Variants in POM121 observed in about 807,000 individuals in gnomAD.
POM121 encodes POM121 transmembrane nucleoporin.
POM121 carries 32 observed loss-of-function variants against 81.3 expected under a neutral mutation model. The ratio of observed to expected loss-of-function variants is 0.39; its 90% confidence interval spans 0.30 to 0.53. POM121 has a LOEUF of 0.53. Among genes scored for constraint, POM121 ranks in the 20% least tolerant of loss-of-function variants. POM121 has a pLI of 0.66. For missense variants in POM121, 1,138 were observed against 1,614.6 expected (o/e 0.70, Z 5.06); for synonymous variants, 514 against 694.2 (o/e 0.74, Z 4.08).
At chr7:72,899,866 A>G (rs1489459273) in intron 3 of POM121, among the ~76,000 whole-genome samples, 1 of 152,088 alleles carries the variant, frequency 6.6e-6, no homozygotes, top group Non-Finnish European at 1.5e-5. Flanking sequence ...GGCGTGAGCC[A>G]CCACGCCTGG....
intron 8 of POM121, 107 bp from the exon 9 acceptor site, chr7:72,940,307 C>G: frequency 1.8e-6 from 1 of 571,392 alleles, no homozygotes; most frequent in Non-Finnish European, 3.1e-6. Context: ...CTCAAGTGAT[C>G]CAGCTGGCTT....
At chr7:72,889,359 A>G (rs542209863) in intron 1 of POM121, among the ~76,000 whole-genome samples, 151 of 152,336 alleles carry the variant, frequency 9.9e-4, no homozygotes, top group Non-Finnish European at 1.2e-3. Flanking sequence ...TATGTTCTTT[A>G]TAAATAACAG....
At chr7:72,940,024 G>C (rs1390800500) in intron 8 of POM121, 56 bp downstream of exon 8, 58 of 1,576,272 alleles carry the variant, frequency 3.7e-5, no homozygotes, top group Middle Eastern at 4.7e-4. Context: ...CTAAGTATTA[G>C]GAACGCTAAG....
In POM121 at chr7:72,925,709, C is replaced by G. The variant is rs1795369297; in HGVS notation, c.588C>G (p.His196Gln). Residue 196 changes from histidine (H) to glutamine (Q), a missense_variant, in exon 1 of 13, where the codon CAC becomes CAG. Physicochemically the swap from His to Gln is conservative, Grantham distance 24. This residue lies in a region of POM121 where 646 missense variants were observed against 633.5 expected (regional missense o/e 1.02). Transcript: ENST00000434423. ...CCCCGCCGACCCATCGCGCTCACCA[C>G]GTTTACCCCTCTCTGCCCACTCCTC... The part of the protein sequence containing the change: ...PPSPPTHRAH[H>Q]VYPSLPTPLL... 1.6e-6 allele frequency: 2 copies of G among 1,289,512 alleles called. No homozygotes were observed. The highest frequency in any genetic ancestry group is 2.0e-6 in the Non-Finnish European group (2 of 1,016,624). 79.9% of individuals were successfully genotyped at this position (1,289,512 alleles called of 1,614,324 possible).
At chr7:72,893,527 T>C (rs1291898658) in intron 3 of POM121, among the ~76,000 whole-genome samples, 3 of 152,062 alleles carry the variant, frequency 2.0e-5, no homozygotes, top group Non-Finnish European at 4.4e-5. Context: ...GAGCTTGCAG[T>C]GAGCGGAGAT....
rs1292789101 is a variant in POM121 at position 72,925,773 on chromosome 7, G to C, written c.644+8G>C. 1 of 1,284,074 alleles carries C rather than the reference G, an allele frequency of 7.8e-7. No homozygotes were observed. Among genetic ancestry groups the C allele is most frequent in the Middle Eastern group, 2.1e-4 (1 of 4,854 alleles). 79.5% of individuals were successfully genotyped at this position (1,284,074 alleles called of 1,614,324 possible). A position where few individuals can be genotyped will look rare whatever the true frequency, so the allele number is the denominator to read the frequency against. On this transcript the variant is annotated splice_region_variant and intron_variant, in intron 1 of 12. Coordinates refer to ENST00000434423, the MANE Select transcript of POM121 (RefSeq NM_001387691.1). ...CAGGAGGCCTTCCCCACGGTAAGAT[G>C]CGCTGATTTTGTCAGATCATCCTCT...
intron 5 of POM121, among the ~76,000 whole-genome samples, chr7:72,938,209 C>G (rs1411816753): frequency 1.3e-5 from 2 of 151,718 alleles, no homozygotes; most frequent in African/African-American, 4.8e-5. Context: ...TCTTCACAAA[C>G]AAATTTTTTT....
At chr7:72,941,610 G>A (rs1284026944) in intron 10 of POM121, among the ~76,000 whole-genome samples, 2 of 151,082 alleles carry the variant, frequency 1.3e-5, no homozygotes, top group African/African-American at 4.9e-5. Context: ...CTACACATTA[G>A]GCCCCCATTT....
intron 7 of POM121, 75 bp from the exon 8 acceptor site, chr7:72,939,772 T>C (rs1275815412): frequency 6.2e-7 from 1 of 1,610,652 alleles, no homozygotes. Context: ...CAATGTGAAA[T>C]GCGAAGTGGG....
chr7:72,941,377 C>T (rs1797047611), intron 10 of POM121, among the ~76,000 whole-genome samples: 1 of 150,820 alleles, frequency 6.6e-6, no homozygotes, highest in South Asian at 2.1e-4. Flanking sequence ...ACTTCGAGGG[C>T]TGCTGGTGTT....
At chr7:72,882,486 T>C (rs1790258530) in intron 1 of POM121, among the ~76,000 whole-genome samples, 1 of 152,270 alleles carries the variant, frequency 6.6e-6, no homozygotes, top group East Asian at 1.9e-4. Context: ...CAAGTTGGTA[T>C]AATTGTGGAT....
At chr7:72,901,655 A>T (rs574713573) in intron 3 of POM121, among the ~76,000 whole-genome samples, 6 of 149,742 alleles carry the variant, frequency 4.0e-5, no homozygotes, top group South Asian at 2.2e-4. Context: ...GCCTGGCCCG[A>T]CTCAGGCTAA....
intron 3 of POM121, among the ~76,000 whole-genome samples, chr7:72,895,947 A>G (rs1366828702): frequency 1.1e-4 from 16 of 151,424 alleles, no homozygotes; most frequent in African/African-American, 2.5e-4. Context: ...TACCTGCTCA[A>G]AAACTTTCAG....
chr7:72,938,795 A>G, intron 6 of POM121, 114 bp downstream of exon 6: 2 of 1,259,040 alleles, frequency 1.6e-6, no homozygotes, highest in Non-Finnish European at 1.2e-6. Context: ...GGAGAATCAA[A>G]GAAACTTAAG....
At chr7:72,949,667 G>T (rs568822992), downstream of POM121, 1 of 664,202 alleles carries the variant, frequency 1.5e-6, no homozygotes, top group East Asian at 2.7e-5. Context: ...TCTGCCCCAA[G>T]GGCTAAGGGA....
rs1283366581 is a variant in POM121 at position 72,948,258 on chromosome 7, C to T, written c.*2024C>T. 1 of 1,463,424 alleles carries T rather than the reference C, an allele frequency of 6.8e-7. No individual in the cohort carries two copies. Among genetic ancestry groups the T allele is most frequent in the Non-Finnish European group, 9.0e-7 (1 of 1,107,474 alleles). 90.7% of individuals were successfully genotyped at this position (1,463,424 alleles called of 1,614,324 possible). ...TTTAGTATGAATGTGAGATTTTTCTCCTGCTTGTGACATTAAGAATAAAAA... is the reference window on the plus strand; with the variant it reads ...TTTAGTATGAATGTGAGATTTTTCTTCTGCTTGTGACATTAAGAATAAAAA... On this transcript the variant is annotated 3_prime_UTR_variant, in exon 13 of 13. Transcript: ENST00000434423.
chr7:72,888,876 T>A (rs2129574731), intron 1 of POM121, among the ~76,000 whole-genome samples: 1 of 152,318 alleles, frequency 6.6e-6, no homozygotes, highest in African/African-American at 2.4e-5. Context: ...TTAAATCAGC[T>A]TTTTCTGTCA....
intron 3 of POM121, among the ~76,000 whole-genome samples, chr7:72,910,462 T>C (rs1488621142): frequency 6.6e-6 from 1 of 152,170 alleles, no homozygotes; most frequent in Non-Finnish European, 1.5e-5. Flanking sequence ...TCCTTGCTTC[T>C]AGCTCCTCAC....
intron 5 of POM121, among the ~76,000 whole-genome samples, chr7:72,938,083 T>C (rs1343748333): frequency 1.3e-5 from 2 of 152,198 alleles, no homozygotes; most frequent in Admixed American, 6.5e-5. Context: ...CCACCTAATA[T>C]ATGCAAAAGT....
Sources: gnomAD v4.1 joint callset for allele counts (sites outside exome capture counted in the v4.1 genomes callset) on GRCh38, gnomAD v4.1.1 for gene constraint, gnomAD v4.1.1 regional missense constraint, MANE v1.5 for transcripts, NCBI Gene and HGNC (gene_info 2026-07-23, HGNC 2026-07-21) for gene names.